STRN4: variants seen among roughly 807,000 people sequenced by gnomAD.
STRN4 encodes the protein striatin 4.
STRN4 carries 27 observed loss-of-function variants against 77.9 expected under a neutral mutation model. That is an observed-to-expected ratio of 0.35 (90% CI 0.26 to 0.48). The LOEUF (loss-of-function observed/expected upper bound fraction) is 0.48, where lower values mean the gene tolerates loss of function less well. Ranked by LOEUF, STRN4 falls within the 20% of genes least tolerant of loss-of-function variation. The pLI is 0.99. For synonymous variants in STRN4, 466 were observed against 443.1 expected (o/e 1.05, Z -0.65); for missense variants, 798 against 1,049.7 (o/e 0.76, Z 3.31).
At chr19:46,736,978 C>A (rs998014308) in intron 3 of STRN4, 77 bp from the exon 4 acceptor site, 16 of 1,449,594 alleles carry the variant, frequency 1.1e-5, no homozygotes, top group Non-Finnish European at 1.5e-5. Flanking sequence ...TCTTCCTCAC[C>A]CCTCCAACCC....
chr19:46,740,757 C>T (rs1026229745), intron 1 of STRN4, among the ~76,000 whole-genome samples: 3 of 152,120 alleles, frequency 2.0e-5, no homozygotes, highest in Non-Finnish European at 2.9e-5. Flanking sequence ...GGTTCCTGCA[C>T]CCACAGGGCT....
rs932861316 is a variant in STRN4 at position 46,722,431 on chromosome 19, A to G, written c.1907-91T>C. ...ACAAGCGCAGCGTGACAGCCCCTAC[A>G]CCAGCCTCTGCCTGGATGTCGAGGG... On this transcript the variant is annotated intron_variant, in intron 14 of 17. Transcript: ENST00000263280. 4.4e-5 allele frequency: 57 copies of G among 1,301,404 alleles called. No homozygotes were observed. The Admixed American group carries it at 1.1e-3, about 24-fold the overall frequency. 80.6% of individuals were successfully genotyped at this position (1,301,404 alleles called of 1,614,324 possible).
rs772523519 is a variant in STRN4, at chr19:46,725,638, C to G, written c.1259G>C (p.Ser420Thr). The G allele has an allele frequency of 3.1e-6, 5 of 1,613,764 alleles. No individual in the cohort carries two copies. The part of the protein sequence containing the change: ...DNDLSCDLSD[S>T]KDAFKKTWNP... ...CCACGTCTTCTTAAAAGCATCTTTG[C>G]TGTCAGACAGCTGGGGTTGGGGGGA... is the stretch of plus-strand genomic sequence containing the variant. Residue 420 changes from serine (S) to threonine (T), a missense_variant, in exon 10 of 18, where the codon AGC becomes ACC. Physicochemically the swap from Ser to Thr is moderately conservative, Grantham distance 58. Coordinates refer to ENST00000263280, the MANE Select transcript of STRN4 (RefSeq NM_013403.3).
chr19:46,722,176 C>A, intron 15 of STRN4, 66 bp downstream of exon 15: 1 of 1,598,602 alleles, frequency 6.3e-7, no homozygotes, highest in Non-Finnish European at 8.6e-7. Flanking sequence ...CACAGGGACG[C>A]AAGCATCTCT....
At position 46,738,237 on chromosome 19, in the gene STRN4, C is replaced by T; in HGVS notation, c.387G>A (p.Arg129=). 1 of 1,613,860 alleles carries T rather than the reference C, an allele frequency of 6.2e-7. No individual in the cohort carries two copies. Among genetic ancestry groups the T allele is most frequent in the Non-Finnish European group, 8.5e-7 (1 of 1,179,834 alleles). Residue 129 remains arginine, a splice_region_variant and synonymous_variant, in exon 3 of 18, where the codon AGG becomes AGA. Transcript: ENST00000263280. This position sits in a 1 kb window ranked among gnomAD's most constrained non-coding sequence, Gnocchi z 4.5. ...KMLEYALKQE[R]AKYHKLKFGT... ...CAAACTTCAGTTTATGATATTTGGC[C>T]CTAAAAGAGCAAATGATTAATGAAT...
rs2054038313 is a variant in STRN4 at position 46,723,794 on chromosome 19, CT to C, written c.1595-511del. Among the ~76,000 whole-genome samples, 1 of 152,218 alleles carries C rather than the reference CT, an allele frequency of 6.6e-6. No homozygotes were observed. Among genetic ancestry groups the C allele is most frequent in the African/African-American group, 2.4e-5 (1 of 41,446 alleles). ...GTTGCTGGAGTCCACACCAGCAGCTCTGGCCTGCTGACACCGAAAGTGTGGT... is the reference window on the plus strand; with the variant it reads ...GTTGCTGGAGTCCACACCAGCAGCTCGGCCTGCTGACACCGAAAGTGTGGT... On this transcript the variant is annotated intron_variant, in intron 12 of 17. Transcript: ENST00000263280. The surrounding 1 kb of genome is among the most constrained non-coding windows in gnomAD (Gnocchi z 5.5).
At position 46,723,094 on chromosome 19, in the gene STRN4, G is replaced by A. The variant is rs770253490; in HGVS notation, c.1765+20C>T. 3.8e-6 allele frequency: 6 copies of A among 1,558,930 alleles called. No individual in the cohort carries two copies. The African/African-American group carries it at 5.4e-5, about 14-fold the overall frequency. On this transcript the variant is annotated intron_variant, in intron 13 of 17. Coordinates refer to ENST00000263280, the MANE Select transcript of STRN4 (RefSeq NM_013403.3). This position sits in a 1 kb window ranked among gnomAD's most constrained non-coding sequence, Gnocchi z 5.5. The stretch of plus-strand genomic sequence containing the variant: ...AGATCCCGCACAGCTCCAGGGTGAG[G>A]CACCGGGGCCCCCACTCACCGCTGG...
At chr19:46,734,177 T>G (rs1432003334) in intron 4 of STRN4, among the ~76,000 whole-genome samples, 1 of 152,210 alleles carries the variant, frequency 6.6e-6, no homozygotes, top group Non-Finnish European at 1.5e-5. Flanking sequence ...TTGCCCAAGA[T>G]CCCACAAATT....
In STRN4 at chr19:46,736,753, G is replaced by T. The variant is rs543317849; in HGVS notation, c.539+70C>A. On this transcript the variant is annotated intron_variant, in intron 4 of 17. Transcript: ENST00000263280. ...CCAGTGGGGACGGAAAAGGACTGTG[G>T]AGTCTTTGGACTTATCTCTCAAGCC... 31 of 1,462,130 alleles carry T rather than the reference G, an allele frequency of 2.1e-5. No individual in the cohort carries two copies. In the Middle Eastern group the frequency reaches 5.2e-4, roughly 25 times the overall value. 90.6% of individuals were successfully genotyped at this position (1,462,130 alleles called of 1,614,324 possible). A position where few individuals can be genotyped will look rare whatever the true frequency, so the allele number is the denominator to read the frequency against.
rs139584906 is a variant in STRN4, at chr19:46,725,487, C to T, written c.1410G>A (p.Ala470=). 5.5e-5 allele frequency: 88 copies of T among 1,613,884 alleles called. No individual in the cohort carries two copies. Among genetic ancestry groups the T allele is most frequent in the Middle Eastern group, 4.9e-4 (3 of 6,082 alleles). ...GTLKLWNLQK[A]VTAKKNAALD... ...GCTGCCCTCACTTCTTGGCCGTGAC[C>T]GCCTTCTGCAGGTTCCAGAGCTTGA... The change falls in exon 10 of 18, where the codon GCG becomes GCA. Residue 470 remains alanine (A), a synonymous_variant. Transcript: ENST00000263280.
chr19:46,737,380 C>T (rs1362576126), intron 3 of STRN4, among the ~76,000 whole-genome samples: 1 of 152,220 alleles, frequency 6.6e-6, no homozygotes, highest in Non-Finnish European at 1.5e-5. Context: ...CTACGCTGTG[C>T]CTGGCCAGGG....
rs533261221 is a variant in STRN4, at chr19:46,746,123, G to C, written c.282+26C>G. 119 of 1,479,410 alleles carry C rather than the reference G, an allele frequency of 8.0e-5. No individual in the cohort carries two copies. The South Asian group carries it at 1.4e-3, about 18-fold the overall frequency. The allele number at this position is 1,479,410 out of a possible 1,614,324, so 91.6% of individuals were successfully genotyped here. A position where few individuals can be genotyped will look rare whatever the true frequency, so the allele number is the denominator to read the frequency against. ...CGGGCCGGGCCGGGCCGGGTTGGGG[G>C]TCGGGGGTCCCGGGACAGCGCTCAC... On this transcript the variant is annotated intron_variant, in intron 1 of 17. Coordinates refer to ENST00000263280, the MANE Select transcript of STRN4 (RefSeq NM_013403.3).
At chr19:46,731,325 A>AAGCC (rs1427743239) in intron 5 of STRN4, 255 of 169,512 alleles carry the variant, frequency 1.5e-3, no homozygotes, top group African/African-American at 5.9e-3. Flanking sequence ...GAGGCGCCGA[A>AAGCC]AGCCAGCCAG....
Position 46,730,647 on chromosome 19 carries a change from C to T in STRN4, c.879+85G>A. The T allele has an allele frequency of 1.9e-6, 3 of 1,560,442 alleles. No homozygotes were observed. In the South Asian group the frequency reaches 3.5e-5, roughly 18 times the overall value. On this transcript the variant is annotated intron_variant, in intron 6 of 17. Transcript: ENST00000263280. ...TCCCTGCTGCCAGCACACACCGCAGCCCCTGAAGGCCCAGGCTGACTCGGA... is the reference window on the plus strand; with the variant it reads ...TCCCTGCTGCCAGCACACACCGCAGTCCCTGAAGGCCCAGGCTGACTCGGA...
intron 6 of STRN4, among the ~76,000 whole-genome samples, chr19:46,730,026 G>A (rs2054212009): frequency 1.3e-5 from 2 of 152,222 alleles, no homozygotes; most frequent in South Asian, 4.1e-4. Flanking sequence ...GGGCCCGAAG[G>A]GGTGCAAACA....
At chr19:46,722,466 G>A (rs1032640482) in intron 14 of STRN4, 126 bp from the exon 15 acceptor site, 15 of 1,028,044 alleles carry the variant, frequency 1.5e-5, no homozygotes, top group African/African-American at 4.8e-5. Flanking sequence ...GGGGCTGGGC[G>A]AGGGCACTCC....
At chr19:46,736,793 T>G in intron 4 of STRN4, 30 bp downstream of exon 4, 1 of 1,608,882 alleles carries the variant, frequency 6.2e-7, no homozygotes, top group Non-Finnish European at 8.5e-7. Flanking sequence ...GTGTCACGTG[T>G]CCCCAGCCCC....
intron 1 of STRN4, among the ~76,000 whole-genome samples, chr19:46,745,052 T>A (rs1234178742): frequency 7.5e-6 from 1 of 133,070 alleles, no homozygotes; most frequent in African/African-American, 2.8e-5. Context: ...TCTACCCCCG[T>A]TCCGAGATGC....
At chr19:46,737,858 A>G (rs766446893) in intron 3 of STRN4, among the ~76,000 whole-genome samples, 5 of 152,014 alleles carry the variant, frequency 3.3e-5, no homozygotes, top group Admixed American at 6.6e-5. Flanking sequence ...GCTTTCCCGC[A>G]CCGTCCCCAG....
Sources: gnomAD v4.1 joint callset for allele counts (sites outside exome capture counted in the v4.1 genomes callset) on GRCh38, gnomAD v4.1.1 for gene constraint, Gnocchi (gnomAD v3.1) non-coding constraint, MANE v1.5 for transcripts, NCBI Gene and HGNC (gene_info 2026-07-23, HGNC 2026-07-21) for gene names.